Variants in EI24 observed in about 807,000 individuals in gnomAD.
EI24 encodes etoposide-induced protein 2.4 homolog.
Under a neutral mutation model 48.6 loss-of-function variants are expected in EI24, and 21 were observed. The observed-to-expected ratio is 0.43, with a 90% CI of 0.31 to 0.62. The LOEUF is 0.62. Among genes scored for constraint, EI24 ranks in the 20% least tolerant of loss-of-function variants. The pLI is 0.10. For missense variants in EI24, 280 were observed against 410.5 expected (o/e 0.68, Z 2.75); for synonymous variants, 114 against 145.5 (o/e 0.78, Z 1.56).
chr11:125,574,208 A>G (rs1270128979), intron 2 of EI24, among the ~76,000 whole-genome samples: 1 of 151,798 alleles, frequency 6.6e-6, no homozygotes, highest in Non-Finnish European at 1.5e-5. Flanking sequence ...AGCCAAGATC[A>G]TGCCACTGCA....
rs1241322126 is a variant in EI24, at chr11:125,584,195, C to G, written c.*512C>G. On this transcript the variant is annotated 3_prime_UTR_variant, in exon 11 of 11. Coordinates refer to ENST00000278903, the MANE Select transcript of EI24 (RefSeq NM_004879.5). ...GCCATTACTGTCTTGTTTCTTGTAA[C>G]TCAGGTTAGGTTTTGGTCTCTCTTG... 1 of 116,632 alleles carries G rather than the reference C, an allele frequency of 8.6e-6. No individual in the cohort carries two copies. The highest frequency in any genetic ancestry group is 3.4e-5 in the African/African-American group (1 of 29,526). The allele number at this position is 116,632 out of a possible 1,614,324, so 7.2% of individuals were successfully genotyped here. A position where few individuals can be genotyped will look rare whatever the true frequency, so the allele number is the denominator to read the frequency against.
chr11:125,583,453 A>G, intron 10 of EI24, 68 bp from the exon 11 acceptor site: 1 of 1,314,536 alleles, frequency 7.6e-7, no homozygotes, highest in Admixed American at 2.7e-5. Context: ...TTTAATGTCA[A>G]GTTGTCAAAC....
At chr11:125,573,517 C>A in intron 2 of EI24, 1 of 387,896 alleles carries the variant, frequency 2.6e-6, no homozygotes, top group Non-Finnish European at 5.3e-6. Flanking sequence ...ACCAAGGAGG[C>A]AGGATTGCTT....
At chr11:125,575,501 CT>C in intron 3 of EI24, 93 bp downstream of exon 3, 6 of 1,341,740 alleles carry the variant, frequency 4.5e-6, no homozygotes, top group Non-Finnish European at 5.9e-6. Context: ...TTCTTTTGTG[CT>C]TTTTCCCAGA....
chr11:125,582,306 T>G, intron 9 of EI24, 40 bp from the exon 10 acceptor site: 1 of 1,488,918 alleles, frequency 6.7e-7, no homozygotes, highest in South Asian at 1.3e-5. Context: ...ATGTCTGTTA[T>G]GAAGGTGACT....
chr11:125,572,827 C>G (rs1470716891), intron 2 of EI24, among the ~76,000 whole-genome samples: 4 of 105,408 alleles, frequency 3.8e-5, no homozygotes, highest in African/African-American at 1.4e-4. Flanking sequence ...GGCTTCAGAG[C>G]TTTTTTTTTT....
rs1391398992 is a variant in EI24 at position 125,582,400 on chromosome 11, A to T, written c.840A>T (p.Ala280=). 1 of 1,604,726 alleles carries T rather than the reference A, an allele frequency of 6.2e-7. No homozygotes were observed. Among genetic ancestry groups the T allele is most frequent in the South Asian group, 1.1e-5 (1 of 89,420 alleles). Reference sequence around the variant, plus strand: ...TATTCATTATCAGCGCCAATGAAGCAAAGACCCCTGGCAAAGCATAGTAAG... The same window carrying T: ...TATTCATTATCAGCGCCAATGAAGCTAAGACCCCTGGCAAAGCATAGTAAG... The part of the protein sequence containing the change: ...FPLFIISANE[A]KTPGKAYLFQ... The change falls in exon 10 of 11, where the codon GCA becomes GCT. Residue 280 remains alanine (A), a synonymous_variant. Transcript: ENST00000278903.
In EI24 at chr11:125,578,214, C is replaced by T; in HGVS notation, c.398C>T (p.Pro133Leu). Residue 133 changes from proline to leucine, a missense_variant, in exon 6 of 11, where the codon CCC (proline) becomes CTC (leucine). By Grantham distance (98) the Pro-to-Leu change is moderately conservative. This residue lies in a region of EI24 where 204 missense variants were observed against 294.1 expected (regional missense o/e 0.69). Coordinates refer to ENST00000278903, the MANE Select transcript of EI24 (RefSeq NM_004879.5). ...TSIFSALWVL[P>L]LFVLSKVVNA... ...ATTTTCAGTGCTCTTTGGGTGCTCC[C>T]CTTGTTTGTGCTTAGCAAAGTGGTG... 6.2e-7 allele frequency: 1 copy of T among 1,613,936 alleles called. No individual in the cohort carries two copies. The highest frequency in any genetic ancestry group is 8.5e-7 in the Non-Finnish European group (1 of 1,179,884).
At chr11:125,580,243 G>C (rs779669154) in intron 8 of EI24, 39 bp downstream of exon 8, 2 of 1,432,520 alleles carry the variant, frequency 1.4e-6, no homozygotes, top group Non-Finnish European at 2.0e-6. Flanking sequence ...TGGAGGCCCA[G>C]TTTGGAAATG....
chr11:125,583,469 A>C lies in EI24; in HGVS notation c.861-52A>C, dbSNP rs1467472580. ...TTAATGTCAAGTTGTCAAACAACGG[A>C]AATAATTTTGAGTAACTGGGGAGCT... is the stretch of plus-strand genomic sequence containing the variant. On this transcript the variant is annotated intron_variant, in intron 10 of 10. Transcript: ENST00000278903. 3.1e-5 allele frequency: 45 copies of C among 1,440,330 alleles called. No individual in the cohort carries two copies. The East Asian group carries it at 8.9e-4, about 28-fold the overall frequency. The allele number at this position is 1,440,330 out of a possible 1,614,324, so 89.2% of individuals were successfully genotyped here.
chr11:125,572,650 G>A (rs776629707), intron 2 of EI24, 81 bp downstream of exon 2: 881 of 1,361,760 alleles, frequency 6.5e-4, no homozygotes, highest in Middle Eastern at 5.8e-3. Context: ...AATCCTTTAG[G>A]GTTTTTGGAA....
At chr11:125,579,660 T>C (rs1236739220) in intron 7 of EI24, among the ~76,000 whole-genome samples, 2 of 152,078 alleles carry the variant, frequency 1.3e-5, no homozygotes, top group African/African-American at 4.8e-5. Context: ...AGAGCAAAAC[T>C]GTCTCAAAAA....
chr11:125,569,762 C>G (rs1222180270), intron 1 of EI24, 189 bp downstream of exon 1: 1 of 301,798 alleles, frequency 3.3e-6, no homozygotes, highest in African/African-American at 2.2e-5. Flanking sequence ...GCCCCAGGTG[C>G]GGCGCAGCTA....
chr11:125,580,351 C>G (rs757310575), intron 8 of EI24, 147 bp downstream of exon 8: 12 of 668,846 alleles, frequency 1.8e-5, no homozygotes, highest in African/African-American at 1.8e-4. Flanking sequence ...AGCTTACCTT[C>G]GGCTTAGTGG....
chr11:125,576,355 A>C, intron 4 of EI24, 40 bp downstream of exon 4: 1 of 1,585,536 alleles, frequency 6.3e-7, no homozygotes, highest in Non-Finnish European at 8.7e-7. Flanking sequence ...AAGCATCTTC[A>C]GATTGTTGCT....
At chr11:125,578,747 G>T (rs192826550) in intron 6 of EI24, among the ~76,000 whole-genome samples, 4 of 152,062 alleles carry the variant, frequency 2.6e-5, no homozygotes, top group African/African-American at 9.7e-5. Context: ...GATTATAGGC[G>T]TGAGCCACGG....
In EI24 at chr11:125,580,828, A is replaced by G. The variant is rs138929686; in HGVS notation, c.674-383A>G. The G allele has an allele frequency of 5.1e-3, 786 of 154,616 alleles. 2 individuals are homozygous for G. Among genetic ancestry groups the G allele is most frequent in the African/African-American group, 0.018 (743 of 41,544 alleles). The allele number at this position is 154,616 out of a possible 1,614,324, so 9.6% of individuals were successfully genotyped here. A position where few individuals can be genotyped will look rare whatever the true frequency, so the allele number is the denominator to read the frequency against. On this transcript the variant is annotated intron_variant, in intron 8 of 10. Coordinates refer to ENST00000278903, the MANE Select transcript of EI24 (RefSeq NM_004879.5). ...GTGGTGGCTCACACCTGTAATCCCA[A>G]CACTTTGGGAGGCCAAGGTGGGTGG...
intron 2 of EI24, among the ~76,000 whole-genome samples, chr11:125,574,251 TAAAA>T (rs745907288): frequency 7.0e-6 from 1 of 142,698 alleles, no homozygotes; most frequent in Admixed American, 7.0e-5. Context: ...AGACTCTGTT[TAAAA>T]AAAAAAAAAA....
At position 125,584,077 on chromosome 11, in the gene EI24, A is replaced by C. The variant is rs1446993185; in HGVS notation, c.*394A>C. The C allele has an allele frequency of 4.8e-6, 1 of 209,208 alleles. No homozygotes were observed. The highest frequency in any genetic ancestry group is 9.8e-6 in the Non-Finnish European group (1 of 101,552). The allele number at this position is 209,208 out of a possible 1,614,324, so 13.0% of individuals were successfully genotyped here. On this transcript the variant is annotated 3_prime_UTR_variant, in exon 11 of 11. Coordinates refer to ENST00000278903, the MANE Select transcript of EI24 (RefSeq NM_004879.5). ...GTAATTCTAGCTGTTGTATTTTGTG[A>C]ATTTGTTAATTTTGTTGTTTTTCTG...
Sources: allele counts gnomAD v4.1 joint callset (sites outside exome capture counted in the v4.1 genomes callset), GRCh38; gene constraint gnomAD v4.1.1; regional missense constraint gnomAD v4.1.1; transcripts MANE v1.5; gene names NCBI Gene and HGNC (gene_info 2026-07-23, HGNC 2026-07-21).